The following HCN1 variants were observed in gnomAD, a reference collection of about 807,000 sequenced individuals.
HCN1 encodes the protein hyperpolarization activated cyclic nucleotide gated potassium channel 1, also known as potassium/sodium hyperpolarization-activated cyclic nucleotide-gated channel 1.
HCN1 carries 13 observed loss-of-function variants against 78.9 expected under a neutral mutation model. The ratio of observed to expected loss-of-function variants is 0.16; its 90% confidence interval spans 0.11 to 0.26. The LOEUF is 0.26. Among genes scored for constraint, HCN1 ranks in the 10% least tolerant of loss-of-function variants. The pLI, the probability that HCN1 is intolerant of heterozygous loss-of-function variation, is 1.00. For missense variants in HCN1, 810 were observed against 1,154.3 expected (o/e 0.70, Z 4.32); for synonymous variants, 552 against 455.5 (o/e 1.21, Z -2.70).
At chr5:45,311,012 G>A (rs564651910) in intron 5 of HCN1, among the ~76,000 whole-genome samples, 12 of 152,184 alleles carry the variant, frequency 7.9e-5, no homozygotes, top group East Asian at 7.8e-4. Context: ...GGGGCCTATC[G>A]GAGGGTGGAA....
chr5:45,586,364 C>G (rs1007749660), intron 2 of HCN1, among the ~76,000 whole-genome samples: 1 of 152,266 alleles, frequency 6.6e-6, no homozygotes. Flanking sequence ...TTTGCTAAGA[C>G]CATTGGAAAA....
intron 1 of HCN1, among the ~76,000 whole-genome samples, chr5:45,660,854 G>A (rs1745918423): frequency 8.0e-6 from 1 of 125,316 alleles, no homozygotes; most frequent in Non-Finnish European, 1.7e-5. Flanking sequence ...CATTAATAAT[G>A]GGAGACTTTA....
At chr5:45,676,024 T>C (rs1047580241) in intron 1 of HCN1, among the ~76,000 whole-genome samples, 7 of 151,800 alleles carry the variant, frequency 4.6e-5, no homozygotes, top group Non-Finnish European at 8.8e-5. Context: ...GAACTGTCCA[T>C]TGCAGTTGTG....
chr5:45,601,587 T>C (rs946941549), intron 2 of HCN1, among the ~76,000 whole-genome samples: 1 of 152,144 alleles, frequency 6.6e-6, no homozygotes, highest in Non-Finnish European at 1.5e-5. Flanking sequence ...GGAAAGCACA[T>C]GATCTTTTGT....
chr5:45,540,998 C>T (rs752698216), intron 2 of HCN1, among the ~76,000 whole-genome samples: 44 of 152,190 alleles, frequency 2.9e-4, no homozygotes, highest in Non-Finnish European at 5.9e-4. Flanking sequence ...AAGGGACCGA[C>T]TTATCCTGAT....
intron 5 of HCN1, among the ~76,000 whole-genome samples, chr5:45,336,634 G>T (rs1746462658): frequency 6.6e-6 from 1 of 151,990 alleles, no homozygotes; most frequent in South Asian, 2.1e-4. Context: ...GTGTAGCAAT[G>T]GTTTTATCCA....
intron 6 of HCN1, among the ~76,000 whole-genome samples, chr5:45,298,614 T>TC (rs1360942342): frequency 2.0e-5 from 3 of 151,926 alleles, no homozygotes; most frequent in African/African-American, 4.8e-5. Context: ...AATAAATATA[T>TC]CCAAGTGTCC....
chr5:45,631,127 A>T (rs1745263367), intron 2 of HCN1, among the ~76,000 whole-genome samples: 1 of 152,168 alleles, frequency 6.6e-6, no homozygotes, highest in Non-Finnish European at 1.5e-5. Flanking sequence ...AGGTAATATA[A>T]GTTAGTCACA....
intron 2 of HCN1, among the ~76,000 whole-genome samples, chr5:45,611,270 T>C (rs1191472386): frequency 2.7e-5 from 3 of 112,958 alleles, no homozygotes; most frequent in African/African-American, 5.8e-5. Flanking sequence ...TATCTTTTTC[T>C]TTTTTTTTTT....
chr5:45,472,560 G>C (rs1741413190), intron 2 of HCN1, among the ~76,000 whole-genome samples: 1 of 133,766 alleles, frequency 7.5e-6, no homozygotes, highest in Non-Finnish European at 1.6e-5. Flanking sequence ...TGGAGGGAGG[G>C]AGGAAAGGAA....
chr5:45,621,273 C>T (rs1192391978), intron 2 of HCN1, among the ~76,000 whole-genome samples: 1 of 152,014 alleles, frequency 6.6e-6, no homozygotes, highest in Non-Finnish European at 1.5e-5. Context: ...CTCACACTTC[C>T]AATTTCTGAA....
In HCN1 at chr5:45,666,674, G is replaced by GATC. The variant is rs199703603; in HGVS notation, c.426-21069_426-21067dup. Among the ~76,000 whole-genome samples, 760 of 152,060 alleles carry GATC rather than the reference G, an allele frequency of 5.0e-3. 4 individuals are homozygous for GATC. The highest frequency in any genetic ancestry group is 0.017 in the African/African-American group (725 of 41,504). Reference sequence around the variant, plus strand: ...CTACAGTAAATGTAACATGGCCAGGGATCACATCTATCTCTACTTCCCATT... The same window carrying GATC: ...CTACAGTAAATGTAACATGGCCAGGGATCATCACATCTATCTCTACTTCCCATT... On this transcript the variant is annotated intron_variant, in intron 1 of 7. Coordinates refer to ENST00000303230, the MANE Select transcript of HCN1 (RefSeq NM_021072.4).
At chr5:45,674,359 G>A (rs778749510) in intron 1 of HCN1, among the ~76,000 whole-genome samples, 1 of 151,420 alleles carries the variant, frequency 6.6e-6, no homozygotes, top group Non-Finnish European at 1.5e-5. Flanking sequence ...TAAATAAAAG[G>A]ATAATGAATA....
intron 5 of HCN1, among the ~76,000 whole-genome samples, chr5:45,309,736 A>C (rs1308038449): frequency 6.6e-6 from 1 of 152,120 alleles, no homozygotes; most frequent in African/African-American, 2.4e-5. Context: ...TTGGTGGATA[A>C]GCTTTTTGAT....
At chr5:45,511,197 A>G (rs1742409104) in intron 2 of HCN1, among the ~76,000 whole-genome samples, 2 of 152,080 alleles carry the variant, frequency 1.3e-5, no homozygotes, top group African/African-American at 4.8e-5. Flanking sequence ...TTATTAGAAT[A>G]TAAGCCAAAG....
intron 4 of HCN1, 75 bp downstream of exon 4, chr5:45,396,417 T>C: frequency 8.8e-7 from 1 of 1,130,824 alleles, no homozygotes; most frequent in Non-Finnish European, 1.3e-6. Flanking sequence ...GATGGTGTAG[T>C]TATCTTGAAC....
intron 4 of HCN1, among the ~76,000 whole-genome samples, chr5:45,372,798 C>G (rs550047154): frequency 3.6e-5 from 5 of 140,298 alleles, no homozygotes; most frequent in African/African-American, 1.3e-4. Context: ...AAAATATTTA[C>G]GTATTCTATA....
rs936636388 is a variant in HCN1, at chr5:45,261,438, G to A, written c.*483C>T. ...AATTTAGATCTATAAAATGGGATTTGTTATTTAATTCTCCACCATTAATGA... is the reference window on the plus strand; with the variant it reads ...AATTTAGATCTATAAAATGGGATTTATTATTTAATTCTCCACCATTAATGA... On this transcript the variant is annotated 3_prime_UTR_variant, in exon 8 of 8. Coordinates refer to ENST00000303230, the MANE Select transcript of HCN1 (RefSeq NM_021072.4). 1.3e-5 allele frequency: 2 copies of A among 153,944 alleles called. No homozygotes were observed. The highest frequency in any genetic ancestry group is 2.4e-5 in the African/African-American group (1 of 41,460). The allele number at this position is 153,944 out of a possible 1,614,324, so 9.5% of individuals were successfully genotyped here.
At position 45,289,219 on chromosome 5, in the gene HCN1, T is replaced by C. The variant is rs73752450; in HGVS notation, c.1618+14380A>G. On this transcript the variant is annotated intron_variant, in intron 6 of 7. Coordinates refer to ENST00000303230, the MANE Select transcript of HCN1 (RefSeq NM_021072.4). ...GATTTTTAAATTGCTTCCAAATGTA[T>C]ACTTAATGCCTCACAATGTAACACT... Among the ~76,000 whole-genome samples, 286 of 152,216 alleles carry C rather than the reference T, an allele frequency of 1.9e-3. 1 individual carries two copies. The highest frequency in any genetic ancestry group is 6.7e-3 in the African/African-American group (280 of 41,562).
Sources: gnomAD v4.1 joint callset for allele counts (sites outside exome capture counted in the v4.1 genomes callset) on GRCh38, gnomAD v4.1.1 for gene constraint, MANE v1.5 for transcripts, NCBI Gene and HGNC (gene_info 2026-07-23, HGNC 2026-07-21) for gene names.